ATL2: variants seen among roughly 807,000 people sequenced by gnomAD.
ATL2 encodes the protein atlastin-2.
ATL2 carries 31 observed loss-of-function variants against 73.9 expected under a neutral mutation model. The ratio of observed to expected loss-of-function variants is 0.42; its 90% confidence interval spans 0.32 to 0.57. The LOEUF (loss-of-function observed/expected upper bound fraction) is 0.57, where lower values mean the gene tolerates loss of function less well. Among genes scored for constraint, ATL2 ranks in the 20% least tolerant of loss-of-function variants. The pLI, the probability that ATL2 is intolerant of heterozygous loss-of-function variation, is 0.14. For synonymous variants in ATL2, 291 were observed against 237.5 expected, an observed-to-expected ratio of 1.23 and a Z score of -2.07; for missense variants, 738 against 702.6, an observed-to-expected ratio of 1.05 and a Z score of -0.57.
At chr2:38,376,389 C>G in intron 1 of ATL2, 1 of 530,910 alleles carries the variant, frequency 1.9e-6, no homozygotes, top group Non-Finnish European at 3.1e-6. Flanking sequence ...CAGGTGACTT[C>G]ACACTACAGA....
intron 2 of ATL2, among the ~76,000 whole-genome samples, chr2:38,335,075 A>G (rs1006043355): frequency 6.6e-6 from 1 of 151,208 alleles, no homozygotes; most frequent in Admixed American, 6.6e-5. Flanking sequence ...CAGAATAGCT[A>G]ACATTAAAAA....
At chr2:38,368,626 C>A (rs1558460893) in intron 1 of ATL2, among the ~76,000 whole-genome samples, 1 of 152,014 alleles carries the variant, frequency 6.6e-6, no homozygotes, top group African/African-American at 2.4e-5. Context: ...AAAAAAATTG[C>A]CAATTTATTT....
intron 1 of ATL2, among the ~76,000 whole-genome samples, chr2:38,350,217 C>G (rs1027381245): frequency 6.6e-6 from 1 of 152,098 alleles, no homozygotes; most frequent in Non-Finnish European, 1.5e-5. Context: ...TAGATTTCAG[C>G]CCCCCAACAC....
At chr2:38,374,161 G>C (rs1573609871) in intron 1 of ATL2, among the ~76,000 whole-genome samples, 1 of 152,142 alleles carries the variant, frequency 6.6e-6, no homozygotes, top group Non-Finnish European at 1.5e-5. Context: ...AAAAGTGCTG[G>C]GATTACAGGC....
At chr2:38,374,040 C>T (rs908012930) in intron 1 of ATL2, among the ~76,000 whole-genome samples, 14 of 152,100 alleles carry the variant, frequency 9.2e-5, no homozygotes, top group South Asian at 2.1e-4. Flanking sequence ...TACAGCCATG[C>T]GCCACCACAC....
chr2:38,367,399 C>G (rs541177355), intron 1 of ATL2, among the ~76,000 whole-genome samples: 104 of 151,172 alleles, frequency 6.9e-4, no homozygotes, highest in African/African-American at 2.4e-3. Flanking sequence ...GTCAGGAGAT[C>G]GAGAACATCC....
chr2:38,322,894 C>T (rs1668403126), intron 2 of ATL2, among the ~76,000 whole-genome samples: 1 of 152,122 alleles, frequency 6.6e-6, no homozygotes, highest in Non-Finnish European at 1.5e-5. Flanking sequence ...TTAACAACAA[C>T]AACAAAGATG....
At position 38,300,317 on chromosome 2, in the gene ATL2, T is replaced by C. The variant is rs770355830; in HGVS notation, c.1083A>G (p.Lys361=). The C allele has an allele frequency of 6.2e-7, 1 of 1,609,106 alleles. No homozygotes were observed. Reference sequence around the variant, plus strand: ...GTGGAAGTTCTTCTCCTTGATAGATTTTGATGTAAGCCTAAAAAGGGAGAA... The same window carrying C: ...GTGGAAGTTCTTCTCCTTGATAGATCTTGATGTAAGCCTAAAAAGGGAGAA... ...DLVEYFKAYI[K]IYQGEELPHP... The change falls in exon 10 of 13, where the codon AAA becomes AAG. Residue 361 remains lysine (K), a synonymous_variant. Coordinates refer to ENST00000378954, the MANE Select transcript of ATL2 (RefSeq NM_001135673.4).
chr2:38,298,358 C>T lies in ATL2; in HGVS notation c.1418G>A (p.Arg473His), dbSNP rs1214160684. The change falls in exon 12 of 13, where the codon CGT (arginine) becomes CAT (histidine). Residue 473 changes from arginine to histidine, a missense_variant. Physicochemically the swap from Arg to His is conservative, Grantham distance 29 (BLOSUM62 0). Coordinates refer to ENST00000378954, the MANE Select transcript of ATL2 (RefSeq NM_001135673.4). ...NDGKNIFYAARTPATLFAVMF... is the reference protein window; with the variant it reads ...NDGKNIFYAAHTPATLFAVMF... ...GACCGCAAACAGTGTGGCTGGGGTA[C>T]GAGCAGCATAGAAGATATTTTTGCC... 2.5e-6 allele frequency: 4 copies of T among 1,614,108 alleles called. No individual in the cohort carries two copies. The highest frequency in any genetic ancestry group is 3.4e-6 in the Non-Finnish European group (4 of 1,179,994).
At chr2:38,353,277 G>C (rs1257390163) in intron 1 of ATL2, among the ~76,000 whole-genome samples, 1 of 152,028 alleles carries the variant, frequency 6.6e-6, no homozygotes, top group Non-Finnish European at 1.5e-5. Context: ...AAAAACAAAT[G>C]AAAATTCTAG....
chr2:38,299,640 T>C (rs940486446), intron 10 of ATL2, among the ~76,000 whole-genome samples: 8 of 152,180 alleles, frequency 5.3e-5, no homozygotes, highest in Non-Finnish European at 4.4e-5. Context: ...CTCCAGGTGT[T>C]AGGAATCGAG....
chr2:38,296,402 A>G, intron 12 of ATL2: 1 of 1,535,586 alleles, frequency 6.5e-7, no homozygotes. Context: ...ATTTATGCAG[A>G]CCGGCCCAGA....
In ATL2 at chr2:38,319,426, C is replaced by A. The variant is rs566002978; in HGVS notation, c.364-407G>T. On this transcript the variant is annotated intron_variant, in intron 2 of 12. Coordinates refer to ENST00000378954, the MANE Select transcript of ATL2 (RefSeq NM_001135673.4). ...CCAGCCTGGCCAACGTGGCAAAACG[C>A]CATCTTTACAAAAAGTACAAAAATT... Among the ~76,000 whole-genome samples the A allele has an allele frequency of 3.3e-5, 5 of 151,908 alleles. No homozygotes were observed. The South Asian group carries it at 8.3e-4, about 25-fold the overall frequency.
intron 2 of ATL2, among the ~76,000 whole-genome samples, chr2:38,321,317 T>C (rs1414187361): frequency 1.3e-5 from 2 of 152,190 alleles, no homozygotes; most frequent in East Asian, 3.9e-4. Flanking sequence ...TACAAACTTC[T>C]CTTGGATTCA....
chr2:38,374,809 C>T (rs1671870725), intron 1 of ATL2, among the ~76,000 whole-genome samples: 2 of 152,190 alleles, frequency 1.3e-5, no homozygotes, highest in African/African-American at 4.8e-5. Flanking sequence ...CTAACAATTT[C>T]AAGAAAGTTA....
rs981320346 is a variant in ATL2 at position 38,307,591 on chromosome 2, G to A, written c.1071+1788C>T. The stretch of plus-strand genomic sequence containing the variant: ...TCTTCAGTAATACCCTACAAGCACA[G>A]GCAACCAAAGCAAAAATAAACGAAT... On this transcript the variant is annotated intron_variant, in intron 9 of 12. Coordinates refer to ENST00000378954, the MANE Select transcript of ATL2 (RefSeq NM_001135673.4). Among the ~76,000 whole-genome samples, 8 of 152,130 alleles carry A rather than the reference G, an allele frequency of 5.3e-5. No individual in the cohort carries two copies. In the East Asian group the frequency reaches 1.4e-3, roughly 26 times the overall value.
At chr2:38,374,174 G>C (rs1183172659) in intron 1 of ATL2, among the ~76,000 whole-genome samples, 1 of 152,192 alleles carries the variant, frequency 6.6e-6, no homozygotes, top group Non-Finnish European at 1.5e-5. Context: ...TTACAGGCGT[G>C]AGCCACCGCA....
At chr2:38,342,966 A>G (rs1669808743) in intron 2 of ATL2, among the ~76,000 whole-genome samples, 2 of 149,910 alleles carry the variant, frequency 1.3e-5, no homozygotes, top group African/African-American at 4.9e-5. Flanking sequence ...TGAGACCCCC[A>G]TAGCTACAAA....
chr2:38,338,124 A>C (rs756966313), intron 2 of ATL2, among the ~76,000 whole-genome samples: 10 of 152,256 alleles, frequency 6.6e-5, no homozygotes, highest in Non-Finnish European at 1.2e-4. Flanking sequence ...AAAATCATGC[A>C]GCCATAAAAA....
Sources: gnomAD v4.1 joint callset for allele counts (sites outside exome capture counted in the v4.1 genomes callset) on GRCh38, gnomAD v4.1.1 for gene constraint, MANE v1.5 for transcripts, NCBI Gene and HGNC (gene_info 2026-07-23, HGNC 2026-07-21) for gene names.